The following LMBR1 variants were observed in gnomAD, a reference collection of about 807,000 sequenced individuals.
LMBR1 encodes limb development membrane protein 1.
A neutral mutation model predicts 73.9 loss-of-function variants in LMBR1; 52 were observed. The observed-to-expected ratio is 0.70, with a 90% CI of 0.56 to 0.89. The LOEUF (loss-of-function observed/expected upper bound fraction) is 0.89. Among genes scored for constraint, LMBR1 ranks in the 40% least tolerant of loss-of-function variants. The pLI is 0.00. For synonymous variants in LMBR1, 215 were observed against 209.4 expected (o/e 1.03, Z -0.23); for missense variants, 539 against 579.8 (o/e 0.93, Z 0.72).
At chr7:156,838,957 C>T (rs1838151923) in intron 1 of LMBR1, among the ~76,000 whole-genome samples, 1 of 151,962 alleles carries the variant, frequency 6.6e-6, no homozygotes, top group African/African-American at 2.4e-5. Context: ...ACTTATATGT[C>T]CCTGATGATT....
chr7:156,868,996 C>T (rs1177261909), intron 1 of LMBR1, among the ~76,000 whole-genome samples: 2 of 152,046 alleles, frequency 1.3e-5, no homozygotes, highest in South Asian at 2.1e-4. Flanking sequence ...ACTGGCATTG[C>T]ACAATATAAA....
intron 1 of LMBR1, among the ~76,000 whole-genome samples, chr7:156,838,026 G>A (rs1254181648): frequency 6.6e-6 from 1 of 152,062 alleles, no homozygotes; most frequent in East Asian, 1.9e-4. Context: ...GACCTCAAGT[G>A]ATCTGCCCAC....
intron 1 of LMBR1, among the ~76,000 whole-genome samples, chr7:156,869,070 T>C (rs371200715): frequency 6.6e-6 from 1 of 152,226 alleles, no homozygotes; most frequent in African/African-American, 2.4e-5. Context: ...CATATTTTCT[T>C]TACGTGGTGT....
At chr7:156,762,104 A>C in intron 8 of LMBR1, 30 bp downstream of exon 8, 1 of 1,304,142 alleles carries the variant, frequency 7.7e-7, no homozygotes. Context: ...TTTATTTAAT[A>C]AACAAAATGA....
chr7:156,756,400 T>A lies in LMBR1; in HGVS notation c.750A>T (p.Arg250=), dbSNP rs1821881118. Residue 250 remains arginine, a synonymous_variant, in exon 9 of 17, where the codon CGA becomes CGT. Transcript: ENST00000353442. Reference sequence around the variant, plus strand: ...TATGTAATATAAACATACCATTTAGTCGTCTCTGGAGTGCTTCTTCCTCTA... The same window carrying A: ...TATGTAATATAAACATACCATTTAGACGTCTCTGGAGTGCTTCTTCCTCTA... ...ITLEEEALQR[R]LNGLSSSVEY... is the part of the protein sequence containing the mutation. 2 of 1,437,426 alleles carry A rather than the reference T, an allele frequency of 1.4e-6. No homozygotes were observed. The highest frequency in any genetic ancestry group is 4.6e-5 in the East Asian group (2 of 43,784). The allele number at this position is 1,437,426 out of a possible 1,614,324, so 89.0% of individuals were successfully genotyped here.
At chr7:156,800,482 CAAAAA>C (rs1245017996) in intron 4 of LMBR1, among the ~76,000 whole-genome samples, 11 of 81,032 alleles carry the variant, frequency 1.4e-4, no homozygotes, top group Admixed American at 4.4e-4. Context: ...ACTTGCTACT[CAAAAA>C]AAAAAAAAAA....
chr7:156,859,468 A>C lies in LMBR1; in HGVS notation c.67-22583T>G, dbSNP rs1797433683. Among the ~76,000 whole-genome samples, 4 of 152,198 alleles carry C rather than the reference A, an allele frequency of 2.6e-5. No individual in the cohort carries two copies. The South Asian group carries it at 8.3e-4, about 31-fold the overall frequency. On this transcript the variant is annotated intron_variant, in intron 1 of 16. Transcript: ENST00000353442. ...ATGTAGAAAATCCTAATGAATCAACAAAAATTCCTGGCACTAATAAGCAAG... is the reference window on the plus strand; with the variant it reads ...ATGTAGAAAATCCTAATGAATCAACCAAAATTCCTGGCACTAATAAGCAAG...
At chr7:156,843,816 A>G (rs1839133319) in intron 1 of LMBR1, among the ~76,000 whole-genome samples, 1 of 148,496 alleles carries the variant, frequency 6.7e-6, no homozygotes, top group Admixed American at 6.7e-5. Flanking sequence ...AGCCTGGGCA[A>G]CAGAGCAAGA....
At chr7:156,888,198 CAGG>C (rs1302370742) in intron 1 of LMBR1, among the ~76,000 whole-genome samples, 1 of 151,168 alleles carries the variant, frequency 6.6e-6, no homozygotes, top group African/African-American at 2.4e-5. Context: ...ATCACGAGGT[CAGG>C]AGATCAAGAC....
chr7:156,774,538 A>G (rs535724870), intron 5 of LMBR1, among the ~76,000 whole-genome samples: 11 of 152,348 alleles, frequency 7.2e-5, no homozygotes, highest in South Asian at 4.1e-4. Flanking sequence ...AGCAATAAAA[A>G]CAAATGAGAT....
chr7:156,756,581 G>A, intron 8 of LMBR1, 116 bp from the exon 9 acceptor site: 3 of 606,182 alleles, frequency 4.9e-6, no homozygotes, highest in East Asian at 3.0e-5. Flanking sequence ...AAATTTCTAA[G>A]AACACAAAAC....
chr7:156,788,636 AT>A (rs539887305), intron 5 of LMBR1, among the ~76,000 whole-genome samples: 19 of 152,050 alleles, frequency 1.2e-4, no homozygotes, highest in African/African-American at 4.6e-4. Context: ...GAAAAAAAAA[AT>A]ACTCATAAAT....
chr7:156,713,299 T>G (rs1304591141), intron 15 of LMBR1, among the ~76,000 whole-genome samples: 1 of 152,106 alleles, frequency 6.6e-6, no homozygotes, highest in Non-Finnish European at 1.5e-5. Context: ...CTACTCTGCA[T>G]GATGCCATAA....
chr7:156,892,905 G>C (rs761466192), intron 1 of LMBR1, 23 bp downstream of exon 1: 1 of 1,480,196 alleles, frequency 6.8e-7, no homozygotes, highest in South Asian at 1.3e-5. Flanking sequence ...GGGACTGTCA[G>C]GGCTGCCTCG....
chr7:156,728,508 G>T (rs921584320), intron 11 of LMBR1, 136 bp downstream of exon 11: 10 of 568,610 alleles, frequency 1.8e-5, no homozygotes, highest in Non-Finnish European at 3.0e-5. Context: ...ATAAATAAAG[G>T]CATAGATGGA....
intron 9 of LMBR1, among the ~76,000 whole-genome samples, chr7:156,742,918 T>C (rs1340284449): frequency 6.6e-6 from 1 of 152,168 alleles, no homozygotes; most frequent in African/African-American, 2.4e-5. Flanking sequence ...GTTGGATTTA[T>C]CCGAGATGCA....
At chr7:156,873,153 C>T (rs1026381118) in intron 1 of LMBR1, among the ~76,000 whole-genome samples, 6 of 151,782 alleles carry the variant, frequency 4.0e-5, no homozygotes, top group Non-Finnish European at 5.9e-5. Flanking sequence ...TAAGGTGGCG[C>T]GTCTGGAGTC....
chr7:156,730,345 C>T (rs1364990702), intron 10 of LMBR1, among the ~76,000 whole-genome samples: 1 of 152,132 alleles, frequency 6.6e-6, no homozygotes, highest in African/African-American at 2.4e-5. Flanking sequence ...GAGGTAAAAA[C>T]TAAAATTCAT....
chr7:156,722,318 A>G (rs1389261681), intron 15 of LMBR1, among the ~76,000 whole-genome samples: 1 of 152,116 alleles, frequency 6.6e-6, no homozygotes, highest in Non-Finnish European at 1.5e-5. Flanking sequence ...TAAGCTTTTC[A>G]GCTGGTAAAT....
Sources: allele counts gnomAD v4.1 joint callset (sites outside exome capture counted in the v4.1 genomes callset), GRCh38; gene constraint gnomAD v4.1.1; transcripts MANE v1.5; gene names NCBI Gene and HGNC (gene_info 2026-07-23, HGNC 2026-07-21).